Variants in ATP10B observed in about 807,000 individuals in gnomAD.
The protein encoded by ATP10B is phospholipid-transporting ATPase VB.
In ATP10B, 122 loss-of-function variants were observed where a neutral mutation model predicts 141.2. That is an observed-to-expected ratio of 0.86 (90% confidence interval 0.75 to 1.00). ATP10B has a LOEUF of 1.00. ATP10B is among the 50% of genes least tolerant of loss of function. The probability of loss-of-function intolerance (pLI) is 0.00; values close to 1 mark genes in which losing one functional copy is unlikely to be tolerated. For missense variants in ATP10B, 1,876 were observed against 1,825.3 expected (o/e 1.03, Z -0.51); for synonymous variants, 685 against 692.0 (o/e 0.99, Z 0.16).
At chr5:160,576,845 C>T (rs554590567) in intron 24 of ATP10B, among the ~76,000 whole-genome samples, 2 of 152,248 alleles carry the variant, frequency 1.3e-5, no homozygotes, top group African/African-American at 4.8e-5. Flanking sequence ...ATTACAGGTT[C>T]GTAAGTGAGG....
At chr5:160,831,704 G>A (rs376029738) in intron 1 of ATP10B, among the ~76,000 whole-genome samples, 1 of 152,070 alleles carries the variant, frequency 6.6e-6, no homozygotes, top group African/African-American at 2.4e-5. Context: ...ACAATTCATT[G>A]TGAAAAGTGC....
At chr5:160,668,877 A>G (rs1023570369) in intron 7 of ATP10B, among the ~76,000 whole-genome samples, 10 of 152,330 alleles carry the variant, frequency 6.6e-5, no homozygotes, top group Non-Finnish European at 8.8e-5. Context: ...TCACACAAAA[A>G]GGGTTTTATG....
the ATP10B span, among the ~76,000 whole-genome samples, chr5:160,903,665 C>G: frequency 6.6e-5 from 10 of 152,280 alleles, no homozygotes; most frequent in East Asian, 1.9e-3. Flanking sequence ...GAGCCACCCT[C>G]TCATCATTTA....
At chr5:160,806,367 T>C (rs1378324075) in intron 1 of ATP10B, among the ~76,000 whole-genome samples, 1 of 152,196 alleles carries the variant, frequency 6.6e-6, no homozygotes, top group Non-Finnish European at 1.5e-5. Flanking sequence ...GCAATCAGCA[T>C]AACATCTGAA....
At chr5:160,893,024 T>C in the ATP10B span, among the ~76,000 whole-genome samples, 7 of 152,024 alleles carry the variant, frequency 4.6e-5, no homozygotes, top group Non-Finnish European at 7.4e-5. Context: ...CCAGATACTT[T>C]GCTTTTCCTA....
intron 2 of ATP10B, among the ~76,000 whole-genome samples, chr5:160,777,068 G>C (rs1159256180): frequency 1.3e-5 from 2 of 152,170 alleles, no homozygotes; most frequent in Non-Finnish European, 2.9e-5. Context: ...ATAAAGTTGG[G>C]GGAAAGTTTG....
intron 2 of ATP10B, among the ~76,000 whole-genome samples, chr5:160,727,928 C>T (rs959792634): frequency 2.6e-5 from 4 of 152,162 alleles, no homozygotes; most frequent in Non-Finnish European, 4.4e-5. Flanking sequence ...CAAGGACATA[C>T]CAATTGTAAC....
intron 1 of ATP10B, among the ~76,000 whole-genome samples, chr5:160,836,479 G>A (rs1432568917): frequency 6.6e-6 from 1 of 152,092 alleles, no homozygotes; most frequent in East Asian, 1.9e-4. Flanking sequence ...GTGAATGACT[G>A]TCACACATAT....
At chr5:160,871,192 G>T in the ATP10B span, among the ~76,000 whole-genome samples, 1 of 151,860 alleles carries the variant, frequency 6.6e-6, no homozygotes, top group African/African-American at 2.4e-5. Context: ...ATAACAGTTT[G>T]CTCAAAATAA....
At chr5:160,640,905 G>A (rs1759812469) in intron 9 of ATP10B, among the ~76,000 whole-genome samples, 2 of 152,146 alleles carry the variant, frequency 1.3e-5, no homozygotes, top group Admixed American at 1.3e-4. Flanking sequence ...AGATTTATAA[G>A]TTTATTATGG....
At chr5:160,899,327 A>AT in the ATP10B span, among the ~76,000 whole-genome samples, 11 of 152,118 alleles carry the variant, frequency 7.2e-5, no homozygotes, top group Non-Finnish European at 1.2e-4. Context: ...AAATTTTCTA[A>AT]TATTTATTAA....
chr5:160,755,832 A>ATT (rs1768521730), intron 2 of ATP10B, among the ~76,000 whole-genome samples: 11 of 68,762 alleles, frequency 1.6e-4, no homozygotes, highest in Non-Finnish European at 2.5e-5. Context: ...AAAAAAAAAA[A>ATT]AAAAAAATAT....
intron 8 of ATP10B, among the ~76,000 whole-genome samples, chr5:160,645,498 C>T (rs1481055302): frequency 1.3e-5 from 2 of 152,204 alleles, no homozygotes; most frequent in African/African-American, 2.4e-5. Flanking sequence ...AAATAGACCT[C>T]ACAGGAGTGG....
intron 2 of ATP10B, among the ~76,000 whole-genome samples, chr5:160,728,828 TC>T (rs200989852): frequency 6.7e-6 from 1 of 150,062 alleles, no homozygotes; most frequent in Non-Finnish European, 1.5e-5. Flanking sequence ...TGTGTTGTTT[TC>T]ATCTCTTTTT....
At chr5:160,658,502 A>T (rs1335810021) in intron 7 of ATP10B, among the ~76,000 whole-genome samples, 2 of 152,224 alleles carry the variant, frequency 1.3e-5, no homozygotes, top group Admixed American at 6.5e-5. Flanking sequence ...TGTGCTGTTC[A>T]GAACTCTCAC....
chr5:160,707,975 A>T (rs1765116396), intron 3 of ATP10B, among the ~76,000 whole-genome samples: 1 of 152,222 alleles, frequency 6.6e-6, no homozygotes. Context: ...ACATGCCTCC[A>T]GGAAATATCC....
intron 7 of ATP10B, among the ~76,000 whole-genome samples, chr5:160,655,833 G>A (rs1761456461): frequency 6.6e-6 from 1 of 152,182 alleles, no homozygotes; most frequent in Non-Finnish European, 1.5e-5. Context: ...AGAATCAAGG[G>A]AAGAAAGGGG....
intron 2 of ATP10B, among the ~76,000 whole-genome samples, chr5:160,755,172 G>A (rs1768434051): frequency 6.6e-6 from 1 of 152,190 alleles, no homozygotes; most frequent in Non-Finnish European, 1.5e-5. Context: ...TGAAGGGGAA[G>A]CAAGCACCTT....
chr5:160,924,566 G>A, the ATP10B span, among the ~76,000 whole-genome samples: 1 of 152,184 alleles, frequency 6.6e-6, no homozygotes, highest in African/African-American at 2.4e-5. Context: ...TCGGGGTCAT[G>A]GTGCAGTGAT....
Sources: allele counts gnomAD v4.1 joint callset (sites outside exome capture counted in the v4.1 genomes callset), GRCh38; gene constraint gnomAD v4.1.1; transcripts MANE v1.5; gene names NCBI Gene and HGNC (gene_info 2026-07-23, HGNC 2026-07-21).